Variants in ABCG5 observed in about 807,000 individuals in gnomAD.
The protein encoded by ABCG5 is ATP-binding cassette sub-family G member 5.
A neutral mutation model predicts 64.5 loss-of-function variants in ABCG5; 64 were observed. The ratio of observed to expected loss-of-function variants is 0.99; its 90% CI spans 0.81 to 1.22. The LOEUF is 1.22. Among genes scored for constraint, ABCG5 ranks in the 50% most tolerant of loss-of-function variants. ABCG5 has a pLI of 0.00. For missense variants in ABCG5, 908 were observed against 829.5 expected, an observed-to-expected ratio of 1.09 and a Z score of -1.16; for synonymous variants, 385 against 326.3, an observed-to-expected ratio of 1.18 and a Z score of -1.94.
At chr2:43,818,975 G>C (rs929609205) in intron 11 of ABCG5, among the ~76,000 whole-genome samples, 1 of 152,140 alleles carries the variant, frequency 6.6e-6, no homozygotes. Flanking sequence ...ACGAAGTCAC[G>C]TGCGTCACAG....
chr2:43,838,112 G>A lies in ABCG5; in HGVS notation c.144-157C>T. The stretch of plus-strand genomic sequence containing the variant: ...TCTGCGCCCTCCTCTGTAGAACCTG[G>A]CAGATAGCGACTGAGGCTGTCTGCC... On this transcript the variant is annotated intron_variant, in intron 1 of 12. Transcript: ENST00000405322. The surrounding 1 kb of genome is among the most constrained non-coding windows in gnomAD (Gnocchi z 4.2). 1.0e-6 allele frequency: 1 copy of A among 982,378 alleles called. No homozygotes were observed. Among genetic ancestry groups the A allele is most frequent in the South Asian group, 1.5e-5 (1 of 66,834 alleles). The allele number at this position is 982,378 out of a possible 1,614,324, so 60.9% of individuals were successfully genotyped here.
Position 43,814,603 on chromosome 2 carries a change from AAAC to A in ABCG5, c.1650-17_1650-15del. The A allele has an allele frequency of 6.6e-7, 1 of 1,511,580 alleles. No individual in the cohort carries two copies. Among genetic ancestry groups the A allele is most frequent in the Non-Finnish European group, 9.2e-7 (1 of 1,087,940 alleles). The allele number at this position is 1,511,580 out of a possible 1,614,324, so 93.6% of individuals were successfully genotyped here. On this transcript the variant is annotated splice_polypyrimidine_tract_variant and intron_variant, in intron 11 of 12. Coordinates refer to ENST00000405322, the MANE Select transcript of ABCG5 (RefSeq NM_022436.3). ...TCTTGTATGTTTCTTAAGAAAAAGA[AAAC>A]AAAAATGAAATTCAGTAGGCTCTGG...
At chr2:43,832,334 A>T in intron 2 of ABCG5, 1 of 593,102 alleles carries the variant, frequency 1.7e-6, no homozygotes, top group South Asian at 2.1e-5. Context: ...CATTTCTCTC[A>T]TCTGGGTCAA....
In ABCG5 at chr2:43,813,129, A is replaced by T. The variant is rs140511481; in HGVS notation, c.1943T>A (p.Leu648His). The change falls in exon 13 of 13, where the codon CTC becomes CAC. Residue 648 changes from leucine to histidine, a missense_variant. By Grantham distance (99) the Leu-to-His change is moderately conservative (BLOSUM62 -3). Coordinates refer to ENST00000405322, the MANE Select transcript of ABCG5 (RefSeq NM_022436.3). ...GIVVFKIRDHLISR is the reference protein window; with the variant it reads ...GIVVFKIRDHHISR ...CCATGGCTTTCACTACCTGCTAATG[A>T]GATGATCCCTTATTTTGAAAACAAC... is the stretch of plus-strand genomic sequence containing the variant. The T allele has an allele frequency of 7.9e-7, 1 of 1,270,592 alleles. No individual in the cohort carries two copies. Among genetic ancestry groups the T allele is most frequent in the East Asian group, 2.3e-5 (1 of 43,312 alleles). 78.7% of individuals were successfully genotyped at this position (1,270,592 alleles called of 1,614,324 possible).
Position 43,826,460 on chromosome 2 carries a change from G to A in ABCG5, c.696C>T (p.Val232=), listed in dbSNP as rs72796720. The A allele has an allele frequency of 2.0e-3, 3,211 of 1,614,156 alleles. 14 individuals carry two copies. The Middle Eastern group carries it at 0.021, about 11-fold the overall frequency. ...TGCGAGCCAGTTCCACCAGGAGGAC[G>A]ACAATCTGATTAGCAGTCATGCAGT... is the stretch of plus-strand genomic sequence containing the variant. ...GLDCMTANQI[V]VLLVELARRN... is the part of the protein sequence containing the mutation. The change falls in exon 6 of 13, where the codon GTC becomes GTT. Residue 232 remains valine, a synonymous_variant. Coordinates refer to ENST00000405322, the MANE Select transcript of ABCG5 (RefSeq NM_022436.3).
upstream of ABCG5, chr2:43,839,144 G>A (rs1428304215): frequency 3.9e-6 from 6 of 1,550,230 alleles, no homozygotes; most frequent in African/African-American, 4.1e-5. Flanking sequence ...AGTCGGCCCA[G>A]GCCTGGTGGG....
At position 43,838,720 on chromosome 2, in the gene ABCG5, G is replaced by C. The variant is rs369084669; in HGVS notation, c.-41C>G. On this transcript the variant is annotated 5_prime_UTR_variant, in exon 1 of 13. Transcript: ENST00000405322. This position sits in a 1 kb window ranked among gnomAD's most constrained non-coding sequence, Gnocchi z 4.2. ...AAGCTGGGCAAATTTTCTGGTGGCC[G>C]GACCCTCCCCAGAGTGGCTTCAGTT... 1.2e-6 allele frequency: 2 copies of C among 1,607,396 alleles called. No individual in the cohort carries two copies. Among genetic ancestry groups the C allele is most frequent in the South Asian group, 1.1e-5 (1 of 89,816 alleles).
chr2:43,839,054 A>G (rs1432143151), upstream of ABCG5: 1 of 1,550,992 alleles, frequency 6.4e-7, no homozygotes, highest in East Asian at 2.4e-5. Context: ...TGTGGGCCCC[A>G]TGGCCGGGAA....
Position 43,826,379 on chromosome 2 carries a change from T to C in ABCG5, c.774+3A>G. On this transcript the variant is annotated splice_donor_region_variant and intron_variant, in intron 6 of 12. Transcript: ENST00000405322. ...CCCGGCCTTTACGAGTTGAACCTCTTACCTGAAAAAGCTCAGAACGGGGCT... is the reference window on the plus strand; with the variant it reads ...CCCGGCCTTTACGAGTTGAACCTCTCACCTGAAAAAGCTCAGAACGGGGCT... The C allele has an allele frequency of 6.2e-7, 1 of 1,613,956 alleles. No individual in the cohort carries two copies. Among genetic ancestry groups the C allele is most frequent in the Non-Finnish European group, 8.5e-7 (1 of 1,179,940 alleles).
chr2:43,828,178 G>A, intron 4 of ABCG5, 63 bp from the exon 5 acceptor site: 1 of 1,609,386 alleles, frequency 6.2e-7, no homozygotes, highest in East Asian at 2.2e-5. Context: ...CAATTCATGG[G>A]CTGGGGAGGA....
downstream of ABCG5, among the ~76,000 whole-genome samples, chr2:43,812,133 C>A (rs1572732995): frequency 6.6e-6 from 1 of 152,082 alleles, no homozygotes; most frequent in East Asian, 1.9e-4. Flanking sequence ...TCACTGCAGC[C>A]CCTGCCTCCT....
rs79475203 is a variant in ABCG5, at chr2:43,812,717, G to A, written c.*399C>T. 2,930 of 202,068 alleles carry A rather than the reference G, an allele frequency of 0.015. 88 individuals carry two copies. Among genetic ancestry groups the A allele is most frequent in the African/African-American group, 0.06 (2,536 of 42,258 alleles). 12.5% of individuals were successfully genotyped at this position (202,068 alleles called of 1,614,324 possible). ...ACAACTCTCTTTCTCTGTCACTTAT[G>A]GTCAGGAATCCTTGAAACATTTTAT... On this transcript the variant is annotated 3_prime_UTR_variant, in exon 13 of 13. Coordinates refer to ENST00000405322, the MANE Select transcript of ABCG5 (RefSeq NM_022436.3).
At position 43,838,582 on chromosome 2, in the gene ABCG5, G is replaced by C. The variant is rs778605187; in HGVS notation, c.98C>G (p.Pro33Arg). 31 of 1,610,174 alleles carry C rather than the reference G, an allele frequency of 1.9e-5. No homozygotes were observed. The highest frequency in any genetic ancestry group is 5.3e-5 in the African/African-American group (4 of 74,890). ...GAGGATGCCCAGGCTGTGAGGCTCCGGGGCGGTGGCAGGAGCCCCCTCCAG... is the reference window on the plus strand; with the variant it reads ...GAGGATGCCCAGGCTGTGAGGCTCCCGGGCGGTGGCAGGAGCCCCCTCCAG... ...SSLEGAPATAPEPHSLGILHA... is the reference protein window; with the variant it reads ...SSLEGAPATAREPHSLGILHA... The change falls in exon 1 of 13, where the codon CCG becomes CGG. Residue 33 changes from proline (P) to arginine (R), a missense_variant. Transcript: ENST00000405322. This position sits in a 1 kb window ranked among gnomAD's most constrained non-coding sequence, Gnocchi z 4.2.
In ABCG5 at chr2:43,824,890, A is replaced by G. The variant is rs1290860344; in HGVS notation, c.903T>C (p.Tyr301=). The G allele has an allele frequency of 4.3e-6, 7 of 1,613,900 alleles. No individual in the cohort carries two copies. In the African/African-American group the frequency reaches 5.3e-5, roughly 12 times the overall value. ...CPEHSNPFDF[Y]MDLTSVDTQS... ...GGGGAATGTGAAAGAAAAACTTACT[A>G]TAGAAGTCAAAAGGGTTTGAATGTT... Residue 301 remains tyrosine, a splice_region_variant and synonymous_variant, in exon 7 of 13, where the codon TAT becomes TAC. Coordinates refer to ENST00000405322, the MANE Select transcript of ABCG5 (RefSeq NM_022436.3).
chr2:43,806,996 A>G, the ABCG5 span, among the ~76,000 whole-genome samples: 1 of 152,222 alleles, frequency 6.6e-6, no homozygotes, highest in African/African-American at 2.4e-5. Context: ...GATTGCACAC[A>G]CAGGACCTTA....
In ABCG5 at chr2:43,825,149, A is replaced by G. The variant is rs1475444821; in HGVS notation, c.775-131T>C. The G allele has an allele frequency of 1.7e-5, 19 of 1,117,588 alleles. No homozygotes were observed. In the East Asian group the frequency reaches 3.2e-4, roughly 19 times the overall value. The allele number at this position is 1,117,588 out of a possible 1,614,324, so 69.2% of individuals were successfully genotyped here. A position where few individuals can be genotyped will look rare whatever the true frequency, so the allele number is the denominator to read the frequency against. On this transcript the variant is annotated intron_variant, in intron 6 of 12. Transcript: ENST00000405322. ...GTCACCAAGTCCTTATGGGAAATGC[A>G]TTTCCCATAAGCAGTCAGTCCTTCG...
At chr2:43,823,352 A>C (rs1371019986) in intron 9 of ABCG5, among the ~76,000 whole-genome samples, 2 of 141,858 alleles carry the variant, frequency 1.4e-5, no homozygotes, top group African/African-American at 5.3e-5. Context: ...CCACAGATGC[A>C]GACACTTAGC....
chr2:43,831,876 G>A lies in ABCG5; in HGVS notation c.403-9C>T. 1 of 1,552,852 alleles carries A rather than the reference G, an allele frequency of 6.4e-7. No homozygotes were observed. The highest frequency in any genetic ancestry group is 2.4e-5 in the East Asian group (1 of 42,118). On this transcript the variant is annotated splice_polypyrimidine_tract_variant and intron_variant, in intron 3 of 12. Coordinates refer to ENST00000405322, the MANE Select transcript of ABCG5 (RefSeq NM_022436.3). ...CTCAGCAGGGTGTCGCTCTGCAGGA[G>A]ACTCGGGCGTCAGTGTAGCCTAAGC...
rs761311404 is a variant in ABCG5, at chr2:43,838,652, C to G, written c.28G>C (p.Gly10Arg). MGDLSSLTP[G>R]GSMGLQVNRG... is the part of the protein sequence containing the mutation. ...TTTACTTGGAGACCCATGGACCCTC[C>G]GGGGGTCAAAGATGAGAGGTCACCC... Residue 10 changes from glycine (G) to arginine (R), a missense_variant, in exon 1 of 13, where the codon GGA becomes CGA. Coordinates refer to ENST00000405322, the MANE Select transcript of ABCG5 (RefSeq NM_022436.3). This position sits in a 1 kb window ranked among gnomAD's most constrained non-coding sequence, Gnocchi z 4.2. 1 of 1,613,608 alleles carries G rather than the reference C, an allele frequency of 6.2e-7. No homozygotes were observed. Among genetic ancestry groups the G allele is most frequent in the Non-Finnish European group, 8.5e-7 (1 of 1,179,956 alleles).
Sources: allele counts gnomAD v4.1 joint callset (sites outside exome capture counted in the v4.1 genomes callset), GRCh38; gene constraint gnomAD v4.1.1; non-coding constraint Gnocchi (gnomAD v3.1); transcripts MANE v1.5; gene names NCBI Gene and HGNC (gene_info 2026-07-23, HGNC 2026-07-21).